The following C12orf42 variants were observed in gnomAD, a reference collection of about 807,000 sequenced individuals.
The protein encoded by C12orf42 is uncharacterized protein C12orf42.
In C12orf42, 25 loss-of-function variants were observed where a neutral mutation model predicts 21.6. The ratio of observed to expected loss-of-function variants is 1.16; its 90% CI spans 0.84 to 1.62. C12orf42 has a LOEUF of 1.62. Ranked by LOEUF, C12orf42 falls within the 40% of genes most tolerant of loss-of-function variation. The pLI, the probability that C12orf42 is intolerant of heterozygous loss-of-function variation, is 0.00. For missense variants in C12orf42, 483 were observed against 459.3 expected (o/e 1.05, Z -0.47); for synonymous variants, 174 against 175.0 (o/e 0.99, Z 0.05).
At position 103,478,377 on chromosome 12, in the gene C12orf42, G is replaced by A; in HGVS notation, c.50C>T (p.Thr17Ile). ...CATCCTGTTTGCAAAAGGTCTGATG[G>A]TTAGCAAGAATTCTTCTTCCCTTTG... is the stretch of plus-strand genomic sequence containing the variant. ...MKQREEEFLL[T>I]IRPFANRMQK... The change falls in exon 2 of 6, where the codon ACC becomes ATC. Residue 17 changes from threonine (T) to isoleucine (I), a missense_variant. By Grantham distance (89) the Thr-to-Ile change is moderately conservative (BLOSUM62 -1). Coordinates refer to ENST00000548883, the MANE Select transcript of C12orf42 (RefSeq NM_198521.5). The A allele has an allele frequency of 6.2e-7, 1 of 1,604,212 alleles. No homozygotes were observed. Among genetic ancestry groups the A allele is most frequent in the South Asian group, 1.1e-5 (1 of 89,488 alleles).
chr12:103,298,958 A>G (rs73185851), downstream of C12orf42, among the ~76,000 whole-genome samples: 21,285 of 152,176 alleles, frequency 0.14, 1,622 homozygotes, highest in South Asian at 0.22. Context: ...TATGTTGTCA[A>G]CCCACAATTA....
intron 4 of C12orf42, among the ~76,000 whole-genome samples, chr12:103,284,178 C>T (rs562299322): frequency 6.6e-6 from 1 of 152,212 alleles, no homozygotes; most frequent in South Asian, 2.1e-4. Context: ...TCTTTTATTT[C>T]TGAAATTTTA....
At chr12:103,088,673 T>C in the C12orf42 span, among the ~76,000 whole-genome samples, 17 of 152,142 alleles carry the variant, frequency 1.1e-4, no homozygotes. Flanking sequence ...ATTAAAGCAA[T>C]GATAAAGTGT....
At chr12:103,220,682 T>C in the C12orf42 span, among the ~76,000 whole-genome samples, 81 of 134,518 alleles carry the variant, frequency 6.0e-4, 1 homozygote, top group African/African-American at 2.1e-3. Context: ...ACCATTGCTT[T>C]TGACGAGTCG....
chr12:103,222,050 C>A, the C12orf42 span, among the ~76,000 whole-genome samples: 2 of 152,072 alleles, frequency 1.3e-5, no homozygotes, highest in Non-Finnish European at 2.9e-5. Context: ...ATAGGAAGGG[C>A]AAGATGAGAG....
chr12:103,337,686 T>A (rs574210701), intron 4 of C12orf42, among the ~76,000 whole-genome samples: 2 of 152,174 alleles, frequency 1.3e-5, no homozygotes, highest in East Asian at 3.9e-4. Context: ...ACCATATCCC[T>A]CTAGGTGGGT....
intron 4 of C12orf42, among the ~76,000 whole-genome samples, chr12:103,307,565 T>C (rs1463444829): frequency 2.0e-5 from 3 of 152,188 alleles, no homozygotes; most frequent in African/African-American, 7.2e-5. Context: ...CAATGCCACA[T>C]TTCCCTGTCA....
intron 4 of C12orf42, among the ~76,000 whole-genome samples, chr12:103,295,866 T>A (rs1001015402): frequency 2.6e-5 from 4 of 151,868 alleles, no homozygotes; most frequent in Non-Finnish European, 5.9e-5. Flanking sequence ...TTTTTTTAAA[T>A]TTTTTTTTAA....
chr12:103,483,191 T>C (rs1241393446), intron 1 of C12orf42, among the ~76,000 whole-genome samples: 1 of 152,000 alleles, frequency 6.6e-6, no homozygotes, highest in Non-Finnish European at 1.5e-5. Flanking sequence ...GCACCAAGAG[T>C]GAACTCTAAT....
chr12:103,066,998 G>A, the C12orf42 span, among the ~76,000 whole-genome samples: 2 of 152,174 alleles, frequency 1.3e-5, no homozygotes, highest in Non-Finnish European at 2.9e-5. Flanking sequence ...TCAGCAACAT[G>A]GACTTCCGCT....
chr12:103,170,116 G>A, the C12orf42 span, among the ~76,000 whole-genome samples: 1 of 152,124 alleles, frequency 6.6e-6, no homozygotes, highest in East Asian at 1.9e-4. Context: ...CCAACCTACT[G>A]GCTATGCCTT....
chr12:103,078,559 T>A, the C12orf42 span, among the ~76,000 whole-genome samples: 1 of 152,202 alleles, frequency 6.6e-6, no homozygotes, highest in Non-Finnish European at 1.5e-5. Context: ...TTGTCAAACA[T>A]AATAGTCAAC....
At chr12:103,223,030 A>C in the C12orf42 span, among the ~76,000 whole-genome samples, 1 of 152,016 alleles carries the variant, frequency 6.6e-6, no homozygotes, top group African/African-American at 2.4e-5. Context: ...TTATTCATTC[A>C]TTCACATTAA....
the C12orf42 span, among the ~76,000 whole-genome samples, chr12:103,058,244 C>T: frequency 6.6e-6 from 1 of 152,230 alleles, no homozygotes; most frequent in Admixed American, 6.5e-5. Flanking sequence ...CATGAGCCAC[C>T]TTGCCCGGCC....
intron 4 of C12orf42, chr12:103,368,116 G>A (rs1349626302): frequency 8.2e-7 from 1 of 1,213,242 alleles, no homozygotes; most frequent in Non-Finnish European, 1.1e-6. Flanking sequence ...CCTAAAAATG[G>A]AGTTTATGGA....
the C12orf42 span, among the ~76,000 whole-genome samples, chr12:103,225,220 G>T: frequency 2.0e-5 from 3 of 152,138 alleles, no homozygotes; most frequent in Non-Finnish European, 4.4e-5. Flanking sequence ...GAGTGTACTG[G>T]GTTGGGCACC....
the C12orf42 span, among the ~76,000 whole-genome samples, chr12:103,546,639 T>C: frequency 3.3e-5 from 5 of 152,168 alleles, no homozygotes; most frequent in African/African-American, 1.2e-4. Flanking sequence ...ATGAAAGACG[T>C]TGAAGCTTGA....
At chr12:103,208,558 G>T in the C12orf42 span, among the ~76,000 whole-genome samples, 43 of 152,086 alleles carry the variant, frequency 2.8e-4, no homozygotes, top group African/African-American at 1.0e-3. Context: ...TATGACAAAG[G>T]GAATTAAGAC....
At chr12:103,549,878 G>A in the C12orf42 span, among the ~76,000 whole-genome samples, 15 of 152,162 alleles carry the variant, frequency 9.9e-5, no homozygotes, top group Non-Finnish European at 1.6e-4. Flanking sequence ...ACTTTTGCCT[G>A]TTCCTTTCTT....
Sources: gnomAD v4.1 joint callset for allele counts (sites outside exome capture counted in the v4.1 genomes callset) on GRCh38, gnomAD v4.1.1 for gene constraint, MANE v1.5 for transcripts, NCBI Gene and HGNC (gene_info 2026-07-23, HGNC 2026-07-21) for gene names.